SPATS2: variants seen among roughly 807,000 people sequenced by gnomAD.
SPATS2 encodes spermatogenesis-associated serine-rich protein 2.
In SPATS2, 38 loss-of-function variants were observed where a neutral mutation model predicts 63.7. The observed-to-expected ratio is 0.60, with a 90% CI of 0.46 to 0.78. The LOEUF is 0.78. Ranked by LOEUF, SPATS2 falls within the 30% of genes least tolerant of loss-of-function variation. The pLI, the probability that SPATS2 is intolerant of heterozygous loss-of-function variation, is 0.00. For synonymous variants in SPATS2, 207 were observed against 232.9 expected, an observed-to-expected ratio of 0.89 and a Z score of 1.01; for missense variants, 588 against 666.2, an observed-to-expected ratio of 0.88 and a Z score of 1.29.
intron 9 of SPATS2, among the ~76,000 whole-genome samples, chr12:49,509,550 G>A (rs993343921): frequency 6.6e-6 from 1 of 152,038 alleles, no homozygotes; most frequent in Non-Finnish European, 1.5e-5. Context: ...GATTATAGGC[G>A]TGAGCCACTG....
chr12:49,515,777 T>G (rs938764017), intron 10 of SPATS2, among the ~76,000 whole-genome samples: 3 of 152,100 alleles, frequency 2.0e-5, no homozygotes, highest in Non-Finnish European at 4.4e-5. Flanking sequence ...CCCAGCACTT[T>G]GGGCGGATCA....
chr12:49,516,016 T>TACAAG (rs886811187), intron 10 of SPATS2, among the ~76,000 whole-genome samples: 39 of 150,870 alleles, frequency 2.6e-4, no homozygotes, highest in Admixed American at 2.5e-3. Flanking sequence ...GGCACACGCC[T>TACAAG]GTAGTCCCAG....
intron 2 of SPATS2, among the ~76,000 whole-genome samples, chr12:49,395,321 T>C (rs999607558): frequency 6.6e-6 from 1 of 151,970 alleles, no homozygotes; most frequent in Non-Finnish European, 1.5e-5. Context: ...TTTTCTTGCC[T>C]GATTGCACTG....
At chr12:49,389,849 G>A (rs907495922) in intron 2 of SPATS2, 5 of 858,122 alleles carry the variant, frequency 5.8e-6, no homozygotes, top group Non-Finnish European at 1.0e-5. Context: ...TGGTTAGATT[G>A]CTAATGGCTA....
At chr12:49,501,782 A>G (rs1464185347) in intron 9 of SPATS2, among the ~76,000 whole-genome samples, 1 of 151,908 alleles carries the variant, frequency 6.6e-6, no homozygotes, top group Non-Finnish European at 1.5e-5. Context: ...TGCCTGGCTA[A>G]TTTTTTGTGT....
intron 2 of SPATS2, among the ~76,000 whole-genome samples, chr12:49,422,870 C>T (rs1592380594): frequency 6.6e-6 from 1 of 151,848 alleles, no homozygotes; most frequent in East Asian, 1.9e-4. Context: ...CAAGACCGTG[C>T]CACAGCACTC....
intron 2 of SPATS2, among the ~76,000 whole-genome samples, chr12:49,450,045 T>C (rs1301955116): frequency 6.6e-6 from 1 of 152,200 alleles, no homozygotes; most frequent in Non-Finnish European, 1.5e-5. Flanking sequence ...ATGATTTCTC[T>C]CTGTCTCTAA....
At chr12:49,377,383 A>G (rs1944127137) in intron 2 of SPATS2, among the ~76,000 whole-genome samples, 1 of 152,212 alleles carries the variant, frequency 6.6e-6, no homozygotes, top group African/African-American at 2.4e-5. Context: ...AGCCTGATGA[A>G]AAAGCTTCTG....
chr12:49,509,825 A>G (rs941377606), intron 9 of SPATS2, among the ~76,000 whole-genome samples: 13 of 151,628 alleles, frequency 8.6e-5, no homozygotes, highest in Admixed American at 8.5e-4. Flanking sequence ...AAAAAAAAAA[A>G]AGGGAAGGAA....
rs1565760947 is a variant in SPATS2, at chr12:49,516,195, AT to A, written c.898+1583del. 2.7e-3 allele frequency among the ~76,000 whole-genome samples: 292 copies of A among 107,214 alleles called. 18 individuals are homozygous for A. The highest frequency in any genetic ancestry group is 6.1e-3 in the African/African-American group (175 of 28,694). 70.3% of individuals were successfully genotyped at this position (107,214 alleles called of 152,430 possible). On this transcript the variant is annotated intron_variant, in intron 10 of 13. Transcript: ENST00000552918. Reference sequence around the variant, plus strand: ...TATATATATATATATATATATATATATATATATATATATAAATCAGGCATGG... The same window carrying A: ...TATATATATATATATATATATATATAATATATATATATAAATCAGGCATGG...
intron 9 of SPATS2, 54 bp downstream of exon 9, chr12:49,500,259 T>C (rs1449485896): frequency 9.8e-6 from 15 of 1,525,994 alleles, no homozygotes. Flanking sequence ...TATATAAATA[T>C]AAAGATGGTC....
chr12:49,444,207 TTTG>T (rs918490194), intron 2 of SPATS2, among the ~76,000 whole-genome samples: 5 of 143,854 alleles, frequency 3.5e-5, no homozygotes, highest in African/African-American at 1.1e-4. Flanking sequence ...GTATTTAAGT[TTTG>T]TTGTTGTTTT....
chr12:49,472,611 TTATATA>T (rs139641031), intron 3 of SPATS2, among the ~76,000 whole-genome samples: 1 of 145,122 alleles, frequency 6.9e-6, no homozygotes, highest in African/African-American at 2.5e-5. Flanking sequence ...TTTATATATT[TTATATA>T]TATATATATA....
At chr12:49,513,488 G>T (rs747906605) in intron 9 of SPATS2, among the ~76,000 whole-genome samples, 3 of 152,070 alleles carry the variant, frequency 2.0e-5, no homozygotes, top group Non-Finnish European at 2.9e-5. Flanking sequence ...TACATTGAAG[G>T]CTGTGGGCTC....
chr12:49,489,331 A>G lies in SPATS2; in HGVS notation c.106-134A>G, dbSNP rs544705866. ...CATTCCCAGTGAGATGCTTGTATGTACTGTCACTGACACTAAAGAGTGATA... is the reference window on the plus strand; with the variant it reads ...CATTCCCAGTGAGATGCTTGTATGTGCTGTCACTGACACTAAAGAGTGATA... On this transcript the variant is annotated intron_variant, in intron 4 of 13. Transcript: ENST00000552918. The G allele has an allele frequency of 1.2e-5, 7 of 560,762 alleles. No individual in the cohort carries two copies. In the South Asian group the frequency reaches 2.2e-4, roughly 18 times the overall value. 34.7% of individuals were successfully genotyped at this position (560,762 alleles called of 1,614,324 possible). A position where few individuals can be genotyped will look rare whatever the true frequency, so the allele number is the denominator to read the frequency against.
intron 2 of SPATS2, among the ~76,000 whole-genome samples, chr12:49,403,594 T>TACACACACACACACACAC (rs5798102): frequency 1.6e-5 from 2 of 128,418 alleles, no homozygotes; most frequent in Admixed American, 8.2e-5. Flanking sequence ...TGCCACTGTC[T>TACACACACACACACACAC]ACACACACAC....
chr12:49,449,842 A>G (rs1292972083), intron 2 of SPATS2, among the ~76,000 whole-genome samples: 1 of 152,180 alleles, frequency 6.6e-6, no homozygotes, highest in Non-Finnish European at 1.5e-5. Flanking sequence ...GATTATTACA[A>G]TTCAAGGTGA....
At chr12:49,461,383 A>G (rs1945820009) in intron 3 of SPATS2, among the ~76,000 whole-genome samples, 1 of 152,226 alleles carries the variant, frequency 6.6e-6, no homozygotes, top group Admixed American at 6.5e-5. Flanking sequence ...GTGGAGCAAG[A>G]GTAAATGTTT....
chr12:49,431,765 G>A (rs1322278827), intron 2 of SPATS2, among the ~76,000 whole-genome samples: 1 of 152,144 alleles, frequency 6.6e-6, no homozygotes, highest in Admixed American at 6.5e-5. Context: ...GGGTGTGATA[G>A]CTCATGTTTG....
Sources: allele counts gnomAD v4.1 joint callset (sites outside exome capture counted in the v4.1 genomes callset), GRCh38; gene constraint gnomAD v4.1.1; transcripts MANE v1.5; gene names NCBI Gene and HGNC (gene_info 2026-07-23, HGNC 2026-07-21).